The following KIAA0825 variants were observed in gnomAD, a reference collection of about 807,000 sequenced individuals.
The protein encoded by KIAA0825 is uncharacterized protein KIAA0825.
In KIAA0825, 119 loss-of-function variants were observed where a neutral mutation model predicts 147.6. The observed-to-expected ratio is 0.81, with a 90% confidence interval of 0.69 to 0.94. The LOEUF is 0.94. Ranked by LOEUF, KIAA0825 falls within the 40% of genes least tolerant of loss-of-function variation. KIAA0825 has a pLI of 0.00. For missense variants in KIAA0825, 1,381 were observed against 1,472.7 expected (o/e 0.94, Z 1.02); for synonymous variants, 470 against 518.1 (o/e 0.91, Z 1.26).
chr5:94,249,817 A>G (rs1297190464), intron 20 of KIAA0825, among the ~76,000 whole-genome samples: 1 of 104,918 alleles, frequency 9.5e-6, no homozygotes, highest in Admixed American at 9.2e-5. Context: ...TTTTTTTGCT[A>G]ATTTATTTAT....
At chr5:94,223,272 T>C (rs1773828634) in intron 20 of KIAA0825, among the ~76,000 whole-genome samples, 1 of 152,184 alleles carries the variant, frequency 6.6e-6, no homozygotes, top group Admixed American at 6.6e-5. Context: ...AGAGGCACAA[T>C]GAGACTTATC....
chr5:94,269,133 C>T (rs1369208880), intron 20 of KIAA0825, among the ~76,000 whole-genome samples: 2 of 152,104 alleles, frequency 1.3e-5, no homozygotes, highest in African/African-American at 2.4e-5. Flanking sequence ...AAGGTGCCAT[C>T]GTTAAATAAT....
At chr5:94,260,744 A>G (rs1343449591) in intron 20 of KIAA0825, among the ~76,000 whole-genome samples, 1 of 152,174 alleles carries the variant, frequency 6.6e-6, no homozygotes, top group African/African-American at 2.4e-5. Context: ...TTTCAATTAC[A>G]GTGAAGAGAA....
chr5:94,537,168 C>T, intron 2 of KIAA0825, 41 bp from the exon 3 acceptor site: 1 of 1,550,706 alleles, frequency 6.4e-7, no homozygotes, highest in Non-Finnish European at 8.8e-7. Flanking sequence ...TCAGTTCCCC[C>T]ACAATGGCCA....
intron 2 of KIAA0825, among the ~76,000 whole-genome samples, chr5:94,549,382 T>C (rs1410395157): frequency 6.6e-6 from 1 of 152,110 alleles, no homozygotes; most frequent in African/African-American, 2.4e-5. Flanking sequence ...AATTAAAAAA[T>C]TTCTTGAAAC....
At chr5:94,560,201 A>G (rs1180957347) in intron 2 of KIAA0825, among the ~76,000 whole-genome samples, 1 of 152,210 alleles carries the variant, frequency 6.6e-6, no homozygotes, top group African/African-American at 2.4e-5. Context: ...ACAAGATAGT[A>G]TATAAGCTCT....
chr5:94,369,212 A>C (rs113458886), intron 20 of KIAA0825, among the ~76,000 whole-genome samples: 5 of 152,272 alleles, frequency 3.3e-5, no homozygotes, highest in Non-Finnish European at 5.9e-5. Flanking sequence ...AGAATATGGA[A>C]TCTAGAGCTG....
chr5:94,355,612 C>G (rs183806481), intron 20 of KIAA0825, among the ~76,000 whole-genome samples: 1 of 152,192 alleles, frequency 6.6e-6, no homozygotes, highest in Admixed American at 6.5e-5. Context: ...AAAGATTATG[C>G]CTTACAATTT....
Position 94,523,993 on chromosome 5 carries a change from ATTATAG to A in KIAA0825, c.231_236del (p.Asn79_Tyr80del). On this transcript the variant is annotated inframe_deletion, in exon 4 of 21. Transcript: ENST00000682413. ...TGAAAGATGATTCAGATGTACTGTA[ATTATAG>A]TTAGTTAGCCATTCAAAGCAGTCAG... is the stretch of plus-strand genomic sequence containing the variant. 1 of 1,609,608 alleles carries A rather than the reference ATTATAG, an allele frequency of 6.2e-7. No individual in the cohort carries two copies. The highest frequency in any genetic ancestry group is 8.5e-7 in the Non-Finnish European group (1 of 1,177,034).
At chr5:94,540,475 T>C (rs1773063462) in intron 2 of KIAA0825, among the ~76,000 whole-genome samples, 1 of 152,234 alleles carries the variant, frequency 6.6e-6, no homozygotes, top group Non-Finnish European at 1.5e-5. Flanking sequence ...TCTTGGTCTC[T>C]GCCATCACAA....
intron 2 of KIAA0825, among the ~76,000 whole-genome samples, chr5:94,558,734 C>CT (rs1777024325): frequency 1.3e-5 from 2 of 152,208 alleles, no homozygotes; most frequent in South Asian, 4.1e-4. Context: ...GAAAGTCTCT[C>CT]TGACTTTCTT....
intron 17 of KIAA0825, among the ~76,000 whole-genome samples, chr5:94,393,925 G>A (rs1584361118): frequency 6.6e-6 from 1 of 150,410 alleles, no homozygotes; most frequent in Admixed American, 6.7e-5. Flanking sequence ...CTCGGCTCAC[G>A]GCAACCTCCG....
At chr5:94,594,022 A>G in intron 1 of KIAA0825, 1 of 518,148 alleles carries the variant, frequency 1.9e-6, no homozygotes, top group Non-Finnish European at 3.9e-6. Context: ...TCCACCTCAA[A>G]GGGATGAAGT....
At chr5:94,468,917 T>A (rs545555198) in intron 10 of KIAA0825, among the ~76,000 whole-genome samples, 11 of 152,324 alleles carry the variant, frequency 7.2e-5, no homozygotes, top group East Asian at 3.9e-4. Context: ...TGAATTTTTT[T>A]AAAAATCCTG....
chr5:94,407,110 T>G (rs1426513230), intron 15 of KIAA0825, among the ~76,000 whole-genome samples: 1 of 151,994 alleles, frequency 6.6e-6, no homozygotes, highest in Non-Finnish European at 1.5e-5. Context: ...ATGTACACAG[T>G]GGGGAGGAAT....
chr5:94,443,603 T>C (rs2150861126), intron 13 of KIAA0825, among the ~76,000 whole-genome samples: 1 of 152,320 alleles, frequency 6.6e-6, no homozygotes, highest in South Asian at 2.1e-4. Context: ...CAAGCATTAT[T>C]GGTTTATGAA....
At chr5:94,438,256 T>C (rs1584491484) in intron 14 of KIAA0825, among the ~76,000 whole-genome samples, 1 of 152,212 alleles carries the variant, frequency 6.6e-6, no homozygotes, top group East Asian at 1.9e-4. Context: ...CAAGTCCTTA[T>C]GTTTAACATG....
chr5:94,473,168 G>A (rs1034330317), intron 8 of KIAA0825, 124 bp downstream of exon 8: 3 of 713,930 alleles, frequency 4.2e-6, no homozygotes, highest in Non-Finnish European at 7.0e-6. Context: ...CTGGTACTGG[G>A]TCAAGTACCA....
chr5:94,587,360 T>C (rs138291182), intron 1 of KIAA0825, among the ~76,000 whole-genome samples: 3 of 152,216 alleles, frequency 2.0e-5, no homozygotes, highest in Non-Finnish European at 4.4e-5. Flanking sequence ...GGATACAAAA[T>C]CAATGTGCAA....
Sources: allele counts gnomAD v4.1 joint callset (sites outside exome capture counted in the v4.1 genomes callset), GRCh38; gene constraint gnomAD v4.1.1; transcripts MANE v1.5; gene names NCBI Gene and HGNC (gene_info 2026-07-23, HGNC 2026-07-21).